The following PIAS2 variants were observed in gnomAD, a reference collection of about 807,000 sequenced individuals.
PIAS2 encodes the protein E3 SUMO-protein ligase PIAS2.
PIAS2 carries 19 observed loss-of-function variants against 69.7 expected under a neutral mutation model. The ratio of observed to expected loss-of-function variants is 0.27; its 90% confidence interval spans 0.19 to 0.40. PIAS2 has a LOEUF of 0.40. Ranked by LOEUF, PIAS2 falls within the 10% of genes least tolerant of loss-of-function variation. The pLI, the probability that PIAS2 is intolerant of heterozygous loss-of-function variation, is 1.00. For missense variants in PIAS2, 624 were observed against 757.0 expected, an observed-to-expected ratio of 0.82 and a Z score of 2.06; for synonymous variants, 261 against 263.2, an observed-to-expected ratio of 0.99 and a Z score of 0.08.
intron 2 of PIAS2, among the ~76,000 whole-genome samples, chr18:46,869,157 G>A (rs2049943509): frequency 6.6e-6 from 1 of 152,160 alleles, no homozygotes; most frequent in African/African-American, 2.4e-5. Flanking sequence ...CTGTTGTGGG[G>A]CTTATACCGA....
chr18:46,892,169 G>A (rs1329276768), intron 1 of PIAS2, among the ~76,000 whole-genome samples: 19 of 152,098 alleles, frequency 1.2e-4, no homozygotes, highest in Admixed American at 1.2e-3. Flanking sequence ...TGGGGCAGTT[G>A]CTCTGTACTT....
intron 2 of PIAS2, among the ~76,000 whole-genome samples, chr18:46,873,629 G>A (rs1383158788): frequency 6.6e-6 from 1 of 152,192 alleles, no homozygotes; most frequent in East Asian, 1.9e-4. Flanking sequence ...TGTCTTTGGG[G>A]TAGCCCATAC....
intron 9 of PIAS2, among the ~76,000 whole-genome samples, chr18:46,830,083 T>C (rs956944166): frequency 6.6e-6 from 1 of 152,186 alleles, no homozygotes; most frequent in African/African-American, 2.4e-5. Flanking sequence ...AGTAACTTAC[T>C]GAGCATCACC....
rs1364623186 is a variant in PIAS2, at chr18:46,869,959, T to G, written c.500-5711A>C. Among the ~76,000 whole-genome samples, 3 of 152,066 alleles carry G rather than the reference T, an allele frequency of 2.0e-5. No individual in the cohort carries two copies. The East Asian group carries it at 5.8e-4, about 29-fold the overall frequency. On this transcript the variant is annotated intron_variant, in intron 2 of 13. Transcript: ENST00000585916. ...CAGTTCCTCTGAGGAAAGTAAGACC[T>G]CTACCCCAAAACAATCCACCAATGT...
intron 2 of PIAS2, among the ~76,000 whole-genome samples, chr18:46,885,614 A>G (rs16940131): frequency 0.033 from 4,960 of 151,688 alleles, 268 homozygotes; most frequent in African/African-American, 0.11. Context: ...CTGGAATGAC[A>G]TTTTTGACCT....
upstream of PIAS2, among the ~76,000 whole-genome samples, chr18:46,919,902 G>A (rs1349327224): frequency 6.6e-6 from 1 of 152,166 alleles, no homozygotes; most frequent in Non-Finnish European, 1.5e-5. Flanking sequence ...ACATTGTTTA[G>A]TAGGCTTTAA....
chr18:46,850,347 T>C (rs914784290), intron 5 of PIAS2, among the ~76,000 whole-genome samples: 1 of 152,170 alleles, frequency 6.6e-6, no homozygotes, highest in African/African-American at 2.4e-5. Flanking sequence ...AAGTCTCCTT[T>C]ATTCTATAAA....
intron 2 of PIAS2, among the ~76,000 whole-genome samples, chr18:46,870,780 G>A (rs1395525303): frequency 6.6e-6 from 1 of 152,126 alleles, no homozygotes; most frequent in Non-Finnish European, 1.5e-5. Flanking sequence ...AAAGAAGCAT[G>A]ATCCAAAGGG....
intron 2 of PIAS2, among the ~76,000 whole-genome samples, chr18:46,866,264 T>C (rs555358660): frequency 4.1e-4 from 63 of 152,314 alleles, no homozygotes; most frequent in South Asian, 1.2e-3. Context: ...AGTCACATCA[T>C]AGTCATACTA....
intron 3 of PIAS2, among the ~76,000 whole-genome samples, chr18:46,858,878 G>A (rs1414861939): frequency 6.6e-6 from 1 of 152,082 alleles, no homozygotes; most frequent in African/African-American, 2.4e-5. Context: ...CTGAAGAGAT[G>A]GCCATGCTAC....
chr18:46,870,400 C>A (rs367970705), intron 2 of PIAS2, among the ~76,000 whole-genome samples: 1 of 151,886 alleles, frequency 6.6e-6, no homozygotes, highest in East Asian at 1.9e-4. Context: ...TGGATCACAA[C>A]GTCAGGAGAT....
chr18:46,896,603 A>C (rs1037244716), intron 1 of PIAS2, among the ~76,000 whole-genome samples: 2 of 152,262 alleles, frequency 1.3e-5, no homozygotes, highest in Non-Finnish European at 2.9e-5. Flanking sequence ...AAAACATGCA[A>C]ATTATTGGTT....
At chr18:46,821,807 G>T (rs964829442) in intron 11 of PIAS2, among the ~76,000 whole-genome samples, 32 of 152,004 alleles carry the variant, frequency 2.1e-4, no homozygotes, top group African/African-American at 7.7e-4. Flanking sequence ...TTCACAATTG[G>T]TATTATATAA....
chr18:46,903,329 C>T (rs1440308708), intron 1 of PIAS2, among the ~76,000 whole-genome samples: 1 of 151,956 alleles, frequency 6.6e-6, no homozygotes, highest in Non-Finnish European at 1.5e-5. Flanking sequence ...GGACTACTAT[C>T]TAGGATATAC....
At chr18:46,888,043 A>G (rs1446017306) in intron 2 of PIAS2, among the ~76,000 whole-genome samples, 1 of 152,184 alleles carries the variant, frequency 6.6e-6, no homozygotes, top group Non-Finnish European at 1.5e-5. Flanking sequence ...AACACGCAAA[A>G]ATCAATTGCA....
chr18:46,835,270 A>T (rs967944654), intron 9 of PIAS2, among the ~76,000 whole-genome samples: 5 of 152,238 alleles, frequency 3.3e-5, no homozygotes, highest in Non-Finnish European at 5.9e-5. Flanking sequence ...AATGTTAACA[A>T]CTGAAGCATC....
intron 11 of PIAS2, chr18:46,827,031 C>T (rs189931532): frequency 6.6e-6 from 1 of 152,174 alleles, no homozygotes; most frequent in African/African-American, 2.4e-5. Flanking sequence ...ACTACTGAAT[C>T]ATGGTGATGA....
chr18:46,817,394 C>T, intron 12 of PIAS2: 3 of 964,580 alleles, frequency 3.1e-6, no homozygotes, highest in South Asian at 4.8e-5. Flanking sequence ...TTATATCAAG[C>T]CTATTTATTT....
chr18:46,819,477 G>T (rs1055946789), intron 12 of PIAS2, among the ~76,000 whole-genome samples: 1 of 151,906 alleles, frequency 6.6e-6, no homozygotes, highest in Admixed American at 6.6e-5. Flanking sequence ...TTTTTCTATG[G>T]ATACTATAAA....
Sources: allele counts gnomAD v4.1 joint callset (sites outside exome capture counted in the v4.1 genomes callset), GRCh38; gene constraint gnomAD v4.1.1; transcripts MANE v1.5; gene names NCBI Gene and HGNC (gene_info 2026-07-23, HGNC 2026-07-21).